CNKSR3: variants seen among roughly 807,000 people sequenced by gnomAD.
CNKSR3 encodes the protein CNKSR family member 3.
Under a neutral mutation model 67.7 loss-of-function variants are expected in CNKSR3, and 36 were observed. The observed-to-expected ratio is 0.53, with a 90% confidence interval of 0.41 to 0.70. CNKSR3 has a LOEUF of 0.70. Ranked by LOEUF, CNKSR3 falls within the 30% of genes least tolerant of loss-of-function variation. The pLI, the probability that CNKSR3 is intolerant of heterozygous loss-of-function variation, is 0.00. For missense variants in CNKSR3, 630 were observed against 695.2 expected (o/e 0.91, Z 1.05); for synonymous variants, 281 against 271.4 (o/e 1.04, Z -0.35).
Position 154,404,812 on chromosome 6 carries a change from A to C in CNKSR3, c.*1542T>G, listed in dbSNP as rs888603732. The C allele has an allele frequency of 1.3e-5, 2 of 152,344 alleles. No individual in the cohort carries two copies. Among genetic ancestry groups the C allele is most frequent in the African/African-American group, 4.8e-5 (2 of 41,444 alleles). The allele number at this position is 152,344 out of a possible 1,614,324, so 9.4% of individuals were successfully genotyped here. A position where few individuals can be genotyped will look rare whatever the true frequency, so the allele number is the denominator to read the frequency against. On this transcript the variant is annotated 3_prime_UTR_variant, in exon 13 of 13. Transcript: ENST00000607772. ...GCGCCACTGCACTCCAGCCTGGGTG[A>C]CAGATTGAGACTCCATCTCAAAAAC...
At chr6:154,468,683 T>C (rs535040853) in intron 1 of CNKSR3, among the ~76,000 whole-genome samples, 3 of 152,202 alleles carry the variant, frequency 2.0e-5, no homozygotes, top group Admixed American at 1.3e-4. Flanking sequence ...AAATAACTAC[T>C]GAATGAATGA....
In CNKSR3 at chr6:154,389,182, C is replaced by A. The variant is rs2128707711; in HGVS notation, c.*17172G>T. On this transcript the variant is annotated 3_prime_UTR_variant, in exon 13 of 13. Coordinates refer to ENST00000607772, the MANE Select transcript of CNKSR3 (RefSeq NM_173515.4). ...CATTGACAAGACCAATGTCAAAGAG[C>A]TTTTCGCCTATGTTTTCTTCTAGGA... 6.6e-6 allele frequency: 1 copy of A among 152,252 alleles called. No individual in the cohort carries two copies. Among genetic ancestry groups the A allele is most frequent in the Non-Finnish European group, 1.5e-5 (1 of 68,008 alleles). The allele number at this position is 152,252 out of a possible 1,614,324, so 9.4% of individuals were successfully genotyped here. A position where few individuals can be genotyped will look rare whatever the true frequency, so the allele number is the denominator to read the frequency against.
chr6:154,503,168 C>T (rs1787032139), intron 1 of CNKSR3, among the ~76,000 whole-genome samples: 1 of 152,142 alleles, frequency 6.6e-6, no homozygotes, highest in African/African-American at 2.4e-5. Flanking sequence ...GTGTGGTAAA[C>T]CCCGTGTGGT....
intron 6 of CNKSR3, among the ~76,000 whole-genome samples, chr6:154,430,258 T>C (rs1460044440): frequency 3.9e-5 from 6 of 152,218 alleles, no homozygotes; most frequent in African/African-American, 1.4e-4. Context: ...AATACGAGTA[T>C]ACAGTTTTTA....
chr6:154,423,129 A>T, intron 7 of CNKSR3, 146 bp from the exon 8 acceptor site: 2 of 569,070 alleles, frequency 3.5e-6, no homozygotes, highest in Non-Finnish European at 6.3e-6. Flanking sequence ...TTCCCCTGAG[A>T]CTACACAGTC....
intron 2 of CNKSR3, 67 bp downstream of exon 2, chr6:154,450,028 G>T: frequency 6.9e-7 from 1 of 1,439,732 alleles, no homozygotes; most frequent in Non-Finnish European, 9.4e-7. Flanking sequence ...CACAAACAAT[G>T]ACGGCTTAAG....
At chr6:154,412,235 G>A (rs552792175) in intron 10 of CNKSR3, among the ~76,000 whole-genome samples, 28 of 152,158 alleles carry the variant, frequency 1.8e-4, no homozygotes, top group South Asian at 4.2e-4. Flanking sequence ...CCTTTAAACC[G>A]GGCATATAAC....
intron 10 of CNKSR3, among the ~76,000 whole-genome samples, chr6:154,413,181 T>C (rs1784944570): frequency 7.1e-6 from 1 of 140,738 alleles, no homozygotes; most frequent in African/African-American, 2.6e-5. Flanking sequence ...CACACAAATA[T>C]GAAATGTTCA....
At chr6:154,431,041 A>T (rs1189157900) in intron 5 of CNKSR3, among the ~76,000 whole-genome samples, 2 of 151,904 alleles carry the variant, frequency 1.3e-5, no homozygotes, top group African/African-American at 4.8e-5. Flanking sequence ...AAAAAAAAAA[A>T]TTGAACAAAA....
intron 1 of CNKSR3, among the ~76,000 whole-genome samples, chr6:154,494,857 T>C (rs1332230943): frequency 3.9e-5 from 6 of 151,942 alleles, no homozygotes. Flanking sequence ...TGCAGCCAGT[T>C]ATGTTAGCCA....
chr6:154,490,551 A>G (rs1786766286), intron 1 of CNKSR3, among the ~76,000 whole-genome samples: 1 of 152,244 alleles, frequency 6.6e-6, no homozygotes, highest in Non-Finnish European at 1.5e-5. Flanking sequence ...ATAGATACAA[A>G]TACACACACA....
chr6:154,437,255 G>A (rs1444772932), intron 4 of CNKSR3, among the ~76,000 whole-genome samples: 1 of 152,110 alleles, frequency 6.6e-6, no homozygotes, highest in Non-Finnish European at 1.5e-5. Flanking sequence ...GCAAGAGAAT[G>A]TGAAGTCCCC....
At position 154,495,995 on chromosome 6, in the gene CNKSR3, C is replaced by T. The variant is rs542842395; in HGVS notation, c.52+14068G>A. Among the ~76,000 whole-genome samples the T allele has an allele frequency of 1.8e-4, 28 of 152,190 alleles. No individual in the cohort carries two copies. The South Asian group carries it at 5.4e-3, about 29-fold the overall frequency. Reference sequence around the variant, plus strand: ...TATTATCTAGTGAATTCAGAACAAACTCCCTAAAAGTCAATGTCTCCCAAA... The same window carrying T: ...TATTATCTAGTGAATTCAGAACAAATTCCCTAAAAGTCAATGTCTCCCAAA... On this transcript the variant is annotated intron_variant, in intron 1 of 12. Coordinates refer to ENST00000607772, the MANE Select transcript of CNKSR3 (RefSeq NM_173515.4).
chr6:154,454,634 G>A (rs1785913176), intron 1 of CNKSR3, among the ~76,000 whole-genome samples: 1 of 152,052 alleles, frequency 6.6e-6, no homozygotes, highest in African/African-American at 2.4e-5. Context: ...TGATGATCCT[G>A]CCTTAGCCTC....
chr6:154,480,468 G>T (rs555378627), intron 1 of CNKSR3, among the ~76,000 whole-genome samples: 1 of 152,316 alleles, frequency 6.6e-6, no homozygotes, highest in East Asian at 1.9e-4. Context: ...AGGCAGGCAG[G>T]TAAAGCCTTT....
In CNKSR3 at chr6:154,415,227, C is replaced by CTTTTTTTTTTTTTTTTTTTT. The variant is rs773533317; in HGVS notation, c.946-805_946-804insAAAAAAAAAAAAAAAAAAAA. 7.8e-4 allele frequency among the ~76,000 whole-genome samples: 88 copies of CTTTTTTTTTTTTTTTTTTTT among 112,760 alleles called. 3 individuals are homozygous for CTTTTTTTTTTTTTTTTTTTT. The highest frequency in any genetic ancestry group is 1.6e-3 in the African/African-American group (44 of 26,828). The allele number at this position is 112,760 out of a possible 152,430, so 74.0% of individuals were successfully genotyped here. ...ATCCTGGCTAGACTTACTAGCTGCCCATTTTTTTTTTTTTTTTTTTTAAGA... is the reference window on the plus strand; with the variant it reads ...ATCCTGGCTAGACTTACTAGCTGCCCTTTTTTTTTTTTTTTTTTTTATTTTTTTTTTTTTTTTTTTTAAGA... On this transcript the variant is annotated intron_variant, in intron 9 of 12. Transcript: ENST00000607772.
intron 1 of CNKSR3, among the ~76,000 whole-genome samples, chr6:154,484,573 A>G (rs953536397): frequency 2.6e-5 from 4 of 151,800 alleles, no homozygotes; most frequent in Non-Finnish European, 4.4e-5. Flanking sequence ...ATGGTGGTGC[A>G]TGCCTGTAAT....
intron 1 of CNKSR3, among the ~76,000 whole-genome samples, chr6:154,488,761 C>T (rs1786726495): frequency 6.6e-6 from 1 of 152,160 alleles, no homozygotes; most frequent in Admixed American, 6.5e-5. Context: ...AGATCATATA[C>T]TCAGAAATCA....
chr6:154,461,981 A>C (rs1472328040), intron 1 of CNKSR3, among the ~76,000 whole-genome samples: 1 of 152,252 alleles, frequency 6.6e-6, no homozygotes, highest in East Asian at 1.9e-4. Flanking sequence ...GAGGCTGGAA[A>C]AGGGCCGAAA....
Sources: gnomAD v4.1 joint callset for allele counts (sites outside exome capture counted in the v4.1 genomes callset) on GRCh38, gnomAD v4.1.1 for gene constraint, MANE v1.5 for transcripts, NCBI Gene and HGNC (gene_info 2026-07-23, HGNC 2026-07-21) for gene names.